The following CDCP1 variants were observed in gnomAD, a reference collection of about 807,000 sequenced individuals.
The protein encoded by CDCP1 is CUB domain containing protein 1.
In CDCP1, 29 loss-of-function variants were observed where a neutral mutation model predicts 60.2. The ratio of observed to expected loss-of-function variants is 0.48; its 90% CI spans 0.36 to 0.66. CDCP1 has a LOEUF of 0.66. Ranked by LOEUF, CDCP1 falls within the 30% of genes least tolerant of loss-of-function variation. CDCP1 has a pLI of 0.00. For missense variants in CDCP1, 876 were observed against 1,074.3 expected (o/e 0.82, Z 2.58); for synonymous variants, 387 against 431.1 (o/e 0.90, Z 1.27).
At chr3:45,086,593 C>A (rs1362675970) in intron 8 of CDCP1, among the ~76,000 whole-genome samples, 1 of 152,218 alleles carries the variant, frequency 6.6e-6, no homozygotes, top group African/African-American at 2.4e-5. Context: ...CAGGTTGTAT[C>A]TTAGTTTTCA....
chr3:45,128,842 C>T lies in CDCP1; in HGVS notation c.83-10221G>A, dbSNP rs1022379120. On this transcript the variant is annotated intron_variant, in intron 1 of 8. Coordinates refer to ENST00000296129, the MANE Select transcript of CDCP1 (RefSeq NM_022842.5). ...AAGTGATTCTCCTGCCTCAGCCTCCCGAGTAGCTGGGATTACAGGTGCCCG... is the reference window on the plus strand; with the variant it reads ...AAGTGATTCTCCTGCCTCAGCCTCCTGAGTAGCTGGGATTACAGGTGCCCG... Among the ~76,000 whole-genome samples the T allele has an allele frequency of 4.6e-5, 7 of 152,158 alleles. No homozygotes were observed. The South Asian group carries it at 1.2e-3, about 27-fold the overall frequency.
In CDCP1 at chr3:45,092,424, T is replaced by TC. The variant is rs139625200; in HGVS notation, c.1627+852dup. 6.4e-3 allele frequency among the ~76,000 whole-genome samples: 971 copies of TC among 152,220 alleles called. 16 individuals carry two copies. The highest frequency in any genetic ancestry group is 0.022 in the African/African-American group (930 of 41,544). On this transcript the variant is annotated intron_variant, in intron 6 of 8. Coordinates refer to ENST00000296129, the MANE Select transcript of CDCP1 (RefSeq NM_022842.5). ...AAAGAGCTCCTGACACGTCAACTAA[T>TC]CCCTTCCTTACCTTCAGGAGAGATA...
chr3:45,108,121 C>T (rs1235487950), intron 4 of CDCP1, among the ~76,000 whole-genome samples: 1 of 150,244 alleles, frequency 6.7e-6, no homozygotes, highest in Non-Finnish European at 1.5e-5. Context: ...CAAGACTCTG[C>T]CTAAAAAAAA....
chr3:45,088,593 C>T (rs554491853), intron 8 of CDCP1, among the ~76,000 whole-genome samples: 1 of 152,348 alleles, frequency 6.6e-6, no homozygotes, highest in East Asian at 1.9e-4. Context: ...CTGTTACATA[C>T]CTGGAGCCCA....
intron 1 of CDCP1, among the ~76,000 whole-genome samples, chr3:45,141,945 C>T (rs1245905949): frequency 1.3e-5 from 2 of 152,102 alleles, no homozygotes; most frequent in Non-Finnish European, 2.9e-5. Context: ...GATTCTCAAG[C>T]CTCAGCATCC....
intron 7 of CDCP1, among the ~76,000 whole-genome samples, chr3:45,090,569 T>C (rs1296037623): frequency 1.3e-5 from 2 of 152,114 alleles, no homozygotes; most frequent in Non-Finnish European, 2.9e-5. Flanking sequence ...ATGAGGAAGA[T>C]CATAGGTGTG....
chr3:45,083,138 C>T lies in CDCP1; in HGVS notation c.*2500G>A, dbSNP rs76479370. 12,190 of 152,178 alleles carry T rather than the reference C, an allele frequency of 0.08. 678 individuals carry two copies. Among genetic ancestry groups the T allele is most frequent in the Non-Finnish European group, 0.11 (7,772 of 68,006 alleles). The allele number at this position is 152,178 out of a possible 1,614,324, so 9.4% of individuals were successfully genotyped here. A position where few individuals can be genotyped will look rare whatever the true frequency, so the allele number is the denominator to read the frequency against. ...AAGGGGCTGGGAGGTTGGGGAATGT[C>T]GAGAATGGAGGGCTAGGGCTCCACA... is the stretch of plus-strand genomic sequence containing the variant. On this transcript the variant is annotated 3_prime_UTR_variant, in exon 9 of 9. Coordinates refer to ENST00000296129, the MANE Select transcript of CDCP1 (RefSeq NM_022842.5).
intron 1 of CDCP1, among the ~76,000 whole-genome samples, chr3:45,127,322 C>G (rs1006874374): frequency 6.6e-6 from 1 of 152,178 alleles, no homozygotes; most frequent in Non-Finnish European, 1.5e-5. Context: ...AGAAAGGGAA[C>G]TGGCATGGTT....
At chr3:45,126,162 C>CTTTCTTTCTTTCTT in intron 1 of CDCP1, among the ~76,000 whole-genome samples, 1 of 144,702 alleles carries the variant, frequency 6.9e-6, no homozygotes, top group Non-Finnish European at 1.5e-5. Context: ...TTCTTTCTTT[C>CTTTCTTTCTTTCTT]TTTCTTTCTT....
intron 1 of CDCP1, among the ~76,000 whole-genome samples, chr3:45,126,138 C>CTTTCTTTCTT (rs1559398833): frequency 1.4e-5 from 2 of 139,062 alleles, no homozygotes; most frequent in South Asian, 2.4e-4. Context: ...TTCTTTCTTT[C>CTTTCTTTCTT]TTTCTTTCTT....
intron 1 of CDCP1, among the ~76,000 whole-genome samples, chr3:45,145,310 C>G (rs1184519342): frequency 1.3e-5 from 2 of 152,178 alleles, no homozygotes; most frequent in African/African-American, 4.8e-5. Context: ...AAACACAAAA[C>G]CTGTACTAAT....
At chr3:45,134,630 G>A (rs372958317) in intron 1 of CDCP1, among the ~76,000 whole-genome samples, 1 of 152,172 alleles carries the variant, frequency 6.6e-6, no homozygotes, top group Non-Finnish European at 1.5e-5. Context: ...TAAAGTGGGG[G>A]ACGGGAGAGC....
Position 45,083,290 on chromosome 3 carries a change from A to G in CDCP1, c.*2348T>C, listed in dbSNP as rs1698133382. The stretch of plus-strand genomic sequence containing the variant: ...ACTGGGCAGGAACCAGACTTTCAGA[A>G]GGGAAAGGTGCCATAGGCAACGCCA... On this transcript the variant is annotated 3_prime_UTR_variant, in exon 9 of 9. Coordinates refer to ENST00000296129, the MANE Select transcript of CDCP1 (RefSeq NM_022842.5). The G allele has an allele frequency of 6.6e-6, 1 of 152,244 alleles. No homozygotes were observed. The highest frequency in any genetic ancestry group is 2.1e-4 in the South Asian group (1 of 4,830). 9.4% of individuals were successfully genotyped at this position (152,244 alleles called of 1,614,324 possible).
chr3:45,093,285 T>A lies in CDCP1; in HGVS notation c.1619A>T (p.Tyr540Phe), dbSNP rs367846568. ...RQGLTVSFIP[Y>F]FKEEGVFTVT... Reference sequence around the variant, plus strand: ...GGGGAGACCCCCCTTACCTTTGAAATAAGGTATAAAGGACACCGTCAGACC... The same window carrying A: ...GGGGAGACCCCCCTTACCTTTGAAAAAAGGTATAAAGGACACCGTCAGACC... The change falls in exon 6 of 9, where the codon TAT becomes TTT. Residue 540 changes from tyrosine (Y) to phenylalanine (F), a missense_variant. Tyr to Phe is a conservative substitution (Grantham distance 22). Coordinates refer to ENST00000296129, the MANE Select transcript of CDCP1 (RefSeq NM_022842.5). 1.5e-5 allele frequency: 24 copies of A among 1,612,544 alleles called. No homozygotes were observed. The highest frequency in any genetic ancestry group is 2.0e-5 in the Non-Finnish European group (23 of 1,179,036).
chr3:45,131,338 T>C (rs1699090056), intron 1 of CDCP1, among the ~76,000 whole-genome samples: 1 of 152,214 alleles, frequency 6.6e-6, no homozygotes, highest in Non-Finnish European at 1.5e-5. Context: ...CGTTTTAAAG[T>C]GTGTAGTTCA....
intron 1 of CDCP1, among the ~76,000 whole-genome samples, chr3:45,126,825 A>G (rs1699008684): frequency 6.6e-6 from 1 of 152,204 alleles, no homozygotes; most frequent in East Asian, 1.9e-4. Flanking sequence ...CAACCACTCC[A>G]TAAAGTAGGT....
At chr3:45,113,948 C>A (rs1241744879) in intron 2 of CDCP1, among the ~76,000 whole-genome samples, 2 of 152,196 alleles carry the variant, frequency 1.3e-5, no homozygotes, top group African/African-American at 2.4e-5. Flanking sequence ...GTGCCCAGGG[C>A]AACATCAGTT....
chr3:45,135,760 C>T (rs751101043), intron 1 of CDCP1, among the ~76,000 whole-genome samples: 1 of 152,144 alleles, frequency 6.6e-6, no homozygotes, highest in Non-Finnish European at 1.5e-5. Context: ...TTTTGTCCTC[C>T]TCTTTCTCTT....
intron 7 of CDCP1, among the ~76,000 whole-genome samples, chr3:45,090,683 G>T (rs1367174066): frequency 6.6e-6 from 1 of 152,228 alleles, no homozygotes; most frequent in Non-Finnish European, 1.5e-5. Context: ...AAGGGATGGT[G>T]TGTGAGTTCC....
Sources: allele counts gnomAD v4.1 joint callset (sites outside exome capture counted in the v4.1 genomes callset), GRCh38; gene constraint gnomAD v4.1.1; transcripts MANE v1.5; gene names NCBI Gene and HGNC (gene_info 2026-07-23, HGNC 2026-07-21).